Variants in CSMD2 observed in about 807,000 individuals in gnomAD.
CSMD2 encodes CUB and sushi domain-containing protein 2.
In CSMD2, 130 loss-of-function variants were observed where a neutral mutation model predicts 398.5. That is an observed-to-expected ratio of 0.33 (90% CI 0.28 to 0.38). The LOEUF is 0.38. Among genes scored for constraint, CSMD2 ranks in the 10% least tolerant of loss-of-function variants. The pLI is 1.00. For synonymous variants in CSMD2, 1,828 were observed against 1,908.5 expected (o/e 0.96, Z 1.10); for missense variants, 3,829 against 4,764.9 (o/e 0.80, Z 5.78).
rs1297300622 is a variant in CSMD2 at position 33,724,356 on chromosome 1, C to T, written c.2885-43G>A. ...AGGGCAGTGAAAGACCAGAGGGCCTCAGGGAGCACCCCCGTCATCCTCCTG... is the reference window on the plus strand; with the variant it reads ...AGGGCAGTGAAAGACCAGAGGGCCTTAGGGAGCACCCCCGTCATCCTCCTG... On this transcript the variant is annotated intron_variant, in intron 18 of 70. Transcript: ENST00000373381. The T allele has an allele frequency of 2.6e-6, 4 of 1,534,526 alleles. No homozygotes were observed. In the African/African-American group the frequency reaches 5.5e-5, roughly 21 times the overall value.
intron 48 of CSMD2, among the ~76,000 whole-genome samples, chr1:33,578,149 C>T (rs1346662557): frequency 1.3e-5 from 2 of 152,172 alleles, no homozygotes; most frequent in East Asian, 1.9e-4. Context: ...CAACCTGGGA[C>T]ACACATTTCC....
intron 52 of CSMD2, among the ~76,000 whole-genome samples, chr1:33,568,185 G>GTAT: frequency 1.0e-5 from 1 of 97,666 alleles, no homozygotes; most frequent in Non-Finnish European, 2.0e-5. Context: ...AAACTCAGGA[G>GTAT]CATCTTTTTT....
intron 52 of CSMD2, among the ~76,000 whole-genome samples, chr1:33,568,137 A>AAACAAAC (rs1557548162): frequency 1.3e-5 from 2 of 151,400 alleles, no homozygotes; most frequent in Non-Finnish European, 2.9e-5. Context: ...CTTCTATAAA[A>AAACAAAC]AAACAAACAA....
rs1022741854 is a variant in CSMD2, at chr1:34,073,628, T to C, written c.404+15349A>G. Among the ~76,000 whole-genome samples the C allele has an allele frequency of 7.2e-5, 11 of 152,244 alleles. No individual in the cohort carries two copies. The South Asian group carries it at 2.3e-3, about 32-fold the overall frequency. ...ACATTTACTATTTTAGAGAAACTGC[T>C]TAAAAAGGAAAAAGGAATGGATTTT... is the stretch of plus-strand genomic sequence containing the variant. On this transcript the variant is annotated intron_variant, in intron 2 of 70. Transcript: ENST00000373381.
At chr1:34,120,227 C>T (rs1044228518) in intron 1 of CSMD2, among the ~76,000 whole-genome samples, 9 of 152,080 alleles carry the variant, frequency 5.9e-5, no homozygotes, top group African/African-American at 2.2e-4. Context: ...TGCATGATTC[C>T]ATTTATATGA....
chr1:33,739,236 C>T lies in CSMD2; in HGVS notation c.2272G>A (p.Asp758Asn), dbSNP rs1314530758. The T allele has an allele frequency of 1.2e-6, 2 of 1,614,242 alleles. No homozygotes were observed. The highest frequency in any genetic ancestry group is 1.1e-5 in the South Asian group (1 of 91,084). Residue 758 changes from aspartate (D) to asparagine (N), a missense_variant, in exon 15 of 71, where the codon GAT (aspartate) becomes AAT (asparagine). Physicochemically the swap from Asp to Asn is conservative, Grantham distance 23. This residue lies in a region of CSMD2 where 2,001 missense variants were observed against 2,567.1 expected (regional missense o/e 0.78). Coordinates refer to ENST00000373381, the MANE Select transcript of CSMD2 (RefSeq NM_001281956.2). The part of the protein sequence containing the change: ...QLGSSISFLC[D>N]EGFLGTQGSE... ...CCCTGAGTCCCAAGGAAGCCTTCAT[C>T]ACAGAGGAAGGAGATGGAGCTGCCC... is the stretch of plus-strand genomic sequence containing the variant.
chr1:33,817,670 C>A (rs151215150), intron 9 of CSMD2, among the ~76,000 whole-genome samples: 44 of 152,366 alleles, frequency 2.9e-4, no homozygotes, highest in African/African-American at 1.0e-3. Flanking sequence ...GTAAGTCTCA[C>A]AGACGTACTG....
intron 5 of CSMD2, among the ~76,000 whole-genome samples, chr1:33,889,655 C>CATATATAT (rs61533322): frequency 8.6e-5 from 13 of 151,048 alleles, no homozygotes; most frequent in African/African-American, 2.9e-4. Context: ...ATGAGGCTGA[C>CATATATAT]ATATATATAT....
intron 2 of CSMD2, among the ~76,000 whole-genome samples, chr1:34,081,979 C>A (rs560097342): frequency 6.6e-6 from 1 of 150,746 alleles, no homozygotes; most frequent in Non-Finnish European, 1.5e-5. Context: ...GGCCGCCCAT[C>A]GTCTGGGATG....
Position 33,559,583 on chromosome 1 carries a change from G to T in CSMD2, c.8381-110C>A. The T allele has an allele frequency of 1.1e-6, 1 of 930,496 alleles. No individual in the cohort carries two copies. The highest frequency in any genetic ancestry group is 1.6e-6 in the Non-Finnish European group (1 of 624,014). 57.6% of individuals were successfully genotyped at this position (930,496 alleles called of 1,614,324 possible). On this transcript the variant is annotated intron_variant, in intron 53 of 70. Transcript: ENST00000373381. The surrounding 1 kb of genome is among the most constrained non-coding windows in gnomAD (Gnocchi z 4.0). ...GGCCATCAGTGAAGTTCAGCCCTAA[G>T]TCTAACTTCAATCTCTTTTGCTGTA...
At position 33,546,095 on chromosome 1, in the gene CSMD2, C is replaced by G. The variant is rs569382856; in HGVS notation, c.9042G>C (p.Ser3014=). The G allele has an allele frequency of 6.2e-7, 1 of 1,614,116 alleles. No individual in the cohort carries two copies. The part of the protein sequence containing the change: ...SCEAGHVLRG[S]SERTCQANGS... The stretch of plus-strand genomic sequence containing the variant: ...CATTGGCTTGACAGGTGCGCTCTGA[C>G]GATCCCCGGAGCACGTGGCCAGCTT... Residue 3014 remains serine, a synonymous_variant, in exon 57 of 71, where the codon TCG becomes TCC. Transcript: ENST00000373381.
intron 5 of CSMD2, among the ~76,000 whole-genome samples, chr1:33,898,229 C>T (rs12029918): frequency 0.35 from 52,551 of 152,026 alleles, 10,755 homozygotes; most frequent in East Asian, 0.58. Context: ...ATCTGAGTTG[C>T]GGTTCTTGTT....
In CSMD2 at chr1:33,716,483, T is replaced by C; in HGVS notation, c.3020A>G (p.His1007Arg). Residue 1007 changes from histidine (H) to arginine (R), a missense_variant, in exon 20 of 71, where the codon CAC becomes CGC. His to Arg is a conservative substitution (Grantham distance 29). Coordinates refer to ENST00000373381, the MANE Select transcript of CSMD2 (RefSeq NM_001281956.2). ...ATGGCCACTTTCCAGGTGGAAGGTGTGGAAAGTGAAGAACACACCTGCCAA... is the reference window on the plus strand; with the variant it reads ...ATGGCCACTTTCCAGGTGGAAGGTGCGGAAAGTGAAGAACACACCTGCCAA... ...SHGKGVFFTFHTFHLESGHDY... is the reference protein window; with the variant it reads ...SHGKGVFFTFRTFHLESGHDY... 6.2e-7 allele frequency: 1 copy of C among 1,613,004 alleles called. No individual in the cohort carries two copies. Among genetic ancestry groups the C allele is most frequent in the Non-Finnish European group, 8.5e-7 (1 of 1,179,794 alleles).
intron 9 of CSMD2, among the ~76,000 whole-genome samples, chr1:33,811,720 G>A (rs1656892768): frequency 6.6e-6 from 1 of 152,218 alleles, no homozygotes; most frequent in Non-Finnish European, 1.5e-5. Flanking sequence ...ATTTATAACA[G>A]TTAAGGTACT....
intron 14 of CSMD2, among the ~76,000 whole-genome samples, chr1:33,742,586 C>G (rs866346995): frequency 4.9e-5 from 7 of 141,606 alleles, no homozygotes; most frequent in South Asian, 2.5e-4. Flanking sequence ...TGCCCCCCCC[C>G]CCCCAACCCC....
chr1:33,965,482 C>G (rs1037844276), intron 3 of CSMD2, among the ~76,000 whole-genome samples: 11 of 152,128 alleles, frequency 7.2e-5, no homozygotes, highest in Admixed American at 6.5e-4. Context: ...GCCAAGGCCA[C>G]GGGGTAAGTG....
intron 1 of CSMD2, among the ~76,000 whole-genome samples, chr1:34,115,233 A>C (rs140152929): frequency 5.3e-4 from 81 of 152,246 alleles, no homozygotes; most frequent in African/African-American, 1.6e-3. Flanking sequence ...AAGAAAATCA[A>C]AATCCAAAGT....
intron 1 of CSMD2, among the ~76,000 whole-genome samples, chr1:34,096,134 A>G (rs1340686767): frequency 6.6e-6 from 1 of 152,118 alleles, no homozygotes; most frequent in Admixed American, 6.6e-5. Flanking sequence ...GTAATCCAGC[A>G]TATAAACAGA....
chr1:33,587,778 CAG>C (rs1310976921), intron 44 of CSMD2, among the ~76,000 whole-genome samples: 1 of 152,196 alleles, frequency 6.6e-6, no homozygotes, highest in East Asian at 1.9e-4. Flanking sequence ...TCCCTATGGG[CAG>C]AGACTGGATG....
Sources: allele counts gnomAD v4.1 joint callset (sites outside exome capture counted in the v4.1 genomes callset), GRCh38; gene constraint gnomAD v4.1.1; regional missense constraint gnomAD v4.1.1; non-coding constraint Gnocchi (gnomAD v3.1); transcripts MANE v1.5; gene names NCBI Gene and HGNC (gene_info 2026-07-23, HGNC 2026-07-21).